Variants in TRANK1 observed in about 807,000 individuals in gnomAD.
The protein encoded by TRANK1 is tetratricopeptide repeat and ankyrin repeat containing 1, also known as TPR and ankyrin repeat-containing protein 1.
In TRANK1, 198 loss-of-function variants were observed where a neutral mutation model predicts 266.0. The ratio of observed to expected loss-of-function variants is 0.74; its 90% CI spans 0.66 to 0.84. TRANK1 has a LOEUF of 0.84. TRANK1 is among the 40% of genes least tolerant of loss of function. The pLI is 0.00. For missense variants in TRANK1, 3,326 were observed against 3,634.6 expected (o/e 0.92, Z 2.18); for synonymous variants, 1,396 against 1,384.1 (o/e 1.01, Z -0.19).
intron 8 of TRANK1, among the ~76,000 whole-genome samples, chr3:36,875,783 A>G (rs761281227): frequency 3.3e-5 from 5 of 152,182 alleles, no homozygotes; most frequent in Non-Finnish European, 7.4e-5. Flanking sequence ...TTTTATTTTT[A>G]TGTTTAACAA....
At chr3:36,898,521 C>T (rs748042763) in intron 4 of TRANK1, among the ~76,000 whole-genome samples, 50 of 151,866 alleles carry the variant, frequency 3.3e-4, no homozygotes, top group African/African-American at 6.8e-4. Context: ...AGTATAAATA[C>T]GGAAACCCCT....
chr3:36,920,684 G>A (rs73826914), intron 1 of TRANK1, among the ~76,000 whole-genome samples: 4,676 of 152,204 alleles, frequency 0.031, 191 homozygotes, highest in African/African-American at 0.091. Context: ...TGCTTCCGGC[G>A]TAAGGATGAA....
chr3:36,864,207 T>C (rs956341461), intron 10 of TRANK1, 112 bp downstream of exon 10: 5 of 1,194,504 alleles, frequency 4.2e-6, no homozygotes, highest in Non-Finnish European at 5.6e-6. Context: ...ATGTTTTACA[T>C]GTAGATACAT....
intron 18 of TRANK1, 74 bp downstream of exon 18, chr3:36,842,548 C>T (rs1051517033): frequency 5.7e-5 from 75 of 1,327,008 alleles, no homozygotes; most frequent in Non-Finnish European, 7.2e-5. Context: ...TGACAAACAC[C>T]ATGATGTGAA....
At chr3:36,903,411 T>C in intron 2 of TRANK1, 136 bp from the exon 3 acceptor site, 2 of 1,138,946 alleles carry the variant, frequency 1.8e-6, no homozygotes, top group Non-Finnish European at 1.2e-6. Context: ...GCTTATCAGA[T>C]CAGTCTCCCA....
chr3:36,889,954 T>G lies in TRANK1; in HGVS notation c.782A>C (p.Asn261Thr). The change falls in exon 8 of 24, where the codon AAC becomes ACC. Residue 261 changes from asparagine (N) to threonine (T), a missense_variant. Physicochemically the swap from Asn to Thr is moderately conservative, Grantham distance 65 (BLOSUM62 0). Coordinates refer to ENST00000645898, the MANE Select transcript of TRANK1 (RefSeq NM_001329998.2). ...ATCCATTAACCACCGGAAAAGATGGTTTTCTCCTGAAGGGAATTAAAATGA... is the reference window on the plus strand; with the variant it reads ...ATCCATTAACCACCGGAAAAGATGGGTTTCTCCTGAAGGGAATTAAAATGA... ...LMRLCIQARE[N>T]HLFRWLMDHK... The G allele has an allele frequency of 6.5e-7, 1 of 1,536,826 alleles. No individual in the cohort carries two copies. The highest frequency in any genetic ancestry group is 8.7e-7 in the Non-Finnish European group (1 of 1,146,790).
chr3:36,836,814 C>G (rs973296389), intron 20 of TRANK1, among the ~76,000 whole-genome samples: 6 of 152,184 alleles, frequency 3.9e-5, no homozygotes, highest in Admixed American at 1.3e-4. Context: ...TAGTCCAGGC[C>G]CTATCATTTC....
intron 1 of TRANK1, among the ~76,000 whole-genome samples, chr3:36,942,482 CAAAAAAA>C (rs565174922): frequency 5.0e-5 from 4 of 79,950 alleles, no homozygotes; most frequent in Non-Finnish European, 7.1e-5. Flanking sequence ...TCTTCTTCCT[CAAAAAAA>C]AAAAAAAAAA....
intron 1 of TRANK1, among the ~76,000 whole-genome samples, chr3:36,937,068 G>C (rs2080436024): frequency 6.6e-6 from 1 of 152,158 alleles, no homozygotes; most frequent in African/African-American, 2.4e-5. Context: ...CTGCACTCCA[G>C]CCTGGGTGAC....
chr3:36,853,767 A>G (rs2079014633), intron 13 of TRANK1, among the ~76,000 whole-genome samples: 1 of 152,240 alleles, frequency 6.6e-6, no homozygotes, highest in African/African-American at 2.4e-5. Flanking sequence ...CAGACACAAA[A>G]GGCCATGTAT....
At position 36,829,943 on chromosome 3, in the gene TRANK1, A is replaced by C. The variant is rs1363506064; in HGVS notation, c.8711-281T>G. On this transcript the variant is annotated intron_variant, in intron 22 of 23. Coordinates refer to ENST00000645898, the MANE Select transcript of TRANK1 (RefSeq NM_001329998.2). Reference sequence around the variant, plus strand: ...TGTCCAAAATGTCATTAAACCTTAAACTGGAAAGAGTATCTGAATTATGGA... The same window carrying C: ...TGTCCAAAATGTCATTAAACCTTAACCTGGAAAGAGTATCTGAATTATGGA... 1.2e-4 allele frequency among the ~76,000 whole-genome samples: 19 copies of C among 152,358 alleles called. 1 individual carries two copies. The East Asian group carries it at 3.5e-3, about 28-fold the overall frequency.
At chr3:36,930,108 A>G (rs1048516169) in intron 1 of TRANK1, among the ~76,000 whole-genome samples, 5 of 152,300 alleles carry the variant, frequency 3.3e-5, no homozygotes, top group African/African-American at 1.2e-4. Flanking sequence ...TCCTGATGTC[A>G]GGTGATCCAC....
intron 10 of TRANK1, among the ~76,000 whole-genome samples, chr3:36,862,400 T>G (rs1440671009): frequency 6.6e-6 from 1 of 152,168 alleles, no homozygotes; most frequent in Non-Finnish European, 1.5e-5. Flanking sequence ...TAAGAAGAAA[T>G]TAAATATAGG....
At chr3:36,938,431 C>T (rs1263181902) in intron 1 of TRANK1, among the ~76,000 whole-genome samples, 5 of 151,902 alleles carry the variant, frequency 3.3e-5, no homozygotes, top group Non-Finnish European at 7.4e-5. Context: ...GTTGGCCAGG[C>T]TGGTCTCAAA....
chr3:36,890,693 G>A (rs1253453007), intron 7 of TRANK1, among the ~76,000 whole-genome samples: 2 of 152,116 alleles, frequency 1.3e-5, no homozygotes, highest in East Asian at 1.9e-4. Flanking sequence ...CTATCAATAA[G>A]ACATATATAT....
chr3:36,891,125 A>G (rs910712057), intron 7 of TRANK1, among the ~76,000 whole-genome samples: 1 of 152,190 alleles, frequency 6.6e-6, no homozygotes, highest in African/African-American at 2.4e-5. Flanking sequence ...GGATCACTTG[A>G]GATCAGGAGT....
intron 8 of TRANK1, among the ~76,000 whole-genome samples, chr3:36,879,675 T>TATATAAATATATAAATATATAAATATAA (rs2079454814): frequency 2.1e-5 from 2 of 96,630 alleles, no homozygotes; most frequent in Non-Finnish European, 3.7e-5. Flanking sequence ...TATATATAAA[T>TATATAAATATATAAATATATAAATATAA]ATATAAATAT....
In TRANK1 at chr3:36,892,205, C is replaced by T. The variant is rs1459540970; in HGVS notation, c.772G>A (p.Ala258Thr). The T allele has an allele frequency of 2.6e-6, 4 of 1,536,748 alleles. No homozygotes were observed. Among genetic ancestry groups the T allele is most frequent in the Non-Finnish European group, 3.5e-6 (4 of 1,146,652 alleles). ...LHALMRLCIQ[A>T]RENHLFRWLM... ...GGAAAACTGGGAGAAGACTCACTGG[C>T]TTGGATACAGAGTCGCATGAGGGCA... is the stretch of plus-strand genomic sequence containing the variant. Residue 258 changes from alanine to threonine, a missense_variant, in exon 7 of 24, where the codon GCC (alanine) becomes ACC (threonine). By Grantham distance (58) the Ala-to-Thr change is moderately conservative. Transcript: ENST00000645898.
intron 10 of TRANK1, among the ~76,000 whole-genome samples, chr3:36,861,704 CTT>C (rs375054559): frequency 2.0e-4 from 25 of 124,094 alleles, no homozygotes; most frequent in Admixed American, 1.1e-3. Context: ...GAGTAGAAAA[CTT>C]TTTTTTTTTT....
Sources: gnomAD v4.1 joint callset for allele counts (sites outside exome capture counted in the v4.1 genomes callset) on GRCh38, gnomAD v4.1.1 for gene constraint, MANE v1.5 for transcripts, NCBI Gene and HGNC (gene_info 2026-07-23, HGNC 2026-07-21) for gene names.